Variants in CNTNAP2 observed in about 807,000 individuals in gnomAD.
CNTNAP2 encodes the protein contactin associated protein 2.
Under a neutral mutation model 155.2 loss-of-function variants are expected in CNTNAP2, and 98 were observed. That is an observed-to-expected ratio of 0.63 (90% CI 0.54 to 0.75). The LOEUF is 0.75. CNTNAP2 is among the 30% of genes least tolerant of loss of function. The probability of loss-of-function intolerance (pLI) is 0.00; values close to 1 mark genes in which losing one functional copy is unlikely to be tolerated. For missense variants in CNTNAP2, 1,727 were observed against 1,688.1 expected (o/e 1.02, Z -0.40); for synonymous variants, 651 against 631.2 (o/e 1.03, Z -0.47).
intron 3 of CNTNAP2, among the ~76,000 whole-genome samples, chr7:146,935,295 C>T (rs997010743): frequency 1.3e-5 from 2 of 152,212 alleles, no homozygotes; most frequent in African/African-American, 4.8e-5. Context: ...TCTGTGTGCA[C>T]TTACTGGGTA....
chr7:146,496,648 TCC>T (rs1268698622), intron 1 of CNTNAP2, among the ~76,000 whole-genome samples: 6 of 152,128 alleles, frequency 3.9e-5, no homozygotes, highest in Non-Finnish European at 7.4e-5. Context: ...ACTTACTTCA[TCC>T]CCTAAAAGCC....
intron 20 of CNTNAP2, among the ~76,000 whole-genome samples, chr7:148,241,243 A>T (rs1796154404): frequency 6.6e-6 from 1 of 152,252 alleles, no homozygotes; most frequent in Non-Finnish European, 1.5e-5. Flanking sequence ...AGCATAGTCT[A>T]TGACCCAATA....
Position 146,246,288 on chromosome 7 carries a change from C to A in CNTNAP2, c.97+129315C>A, listed in dbSNP as rs1471826273. On this transcript the variant is annotated intron_variant, in intron 1 of 23. Coordinates refer to ENST00000361727, the MANE Select transcript of CNTNAP2 (RefSeq NM_014141.6). Reference sequence around the variant, plus strand: ...GGAGGCTTTGGATTGGGAAGAAGGGCAGCAATGAGATGTAGCTGTAATCCA... The same window carrying A: ...GGAGGCTTTGGATTGGGAAGAAGGGAAGCAATGAGATGTAGCTGTAATCCA... 4.0e-5 allele frequency among the ~76,000 whole-genome samples: 6 copies of A among 150,394 alleles called. No homozygotes were observed. The South Asian group carries it at 1.3e-3, about 32-fold the overall frequency.
At chr7:147,797,395 C>T (rs1797914297) in intron 13 of CNTNAP2, among the ~76,000 whole-genome samples, 1 of 151,432 alleles carries the variant, frequency 6.6e-6, no homozygotes, top group African/African-American at 2.4e-5. Flanking sequence ...TCTTATTGAC[C>T]ATCAATGAAA....
intron 13 of CNTNAP2, among the ~76,000 whole-genome samples, chr7:147,706,184 T>G (rs1414426704): frequency 6.6e-6 from 1 of 151,484 alleles, no homozygotes; most frequent in Non-Finnish European, 1.5e-5. Context: ...ATTTGAGGTT[T>G]TTTTTTTTTT....
chr7:147,211,402 C>G (rs535323346), intron 8 of CNTNAP2, among the ~76,000 whole-genome samples: 3 of 151,836 alleles, frequency 2.0e-5, no homozygotes, highest in Non-Finnish European at 3.0e-5. Flanking sequence ...TGCCATAGCT[C>G]AACATCAAAC....
At chr7:146,875,881 A>AAC (rs772485537) in intron 3 of CNTNAP2, among the ~76,000 whole-genome samples, 31 of 139,150 alleles carry the variant, frequency 2.2e-4, no homozygotes, top group African/African-American at 4.1e-4. Context: ...CCTTATCTTA[A>AAC]ACACACACAC....
At chr7:148,276,613 G>A (rs918348701) in intron 21 of CNTNAP2, among the ~76,000 whole-genome samples, 3 of 152,192 alleles carry the variant, frequency 2.0e-5, no homozygotes, top group Non-Finnish European at 2.9e-5. Flanking sequence ...GGTGAATGCC[G>A]GGCACTGACA....
At chr7:146,136,357 G>T (rs942670511) in intron 1 of CNTNAP2, among the ~76,000 whole-genome samples, 2 of 152,220 alleles carry the variant, frequency 1.3e-5, no homozygotes, top group South Asian at 4.1e-4. Flanking sequence ...ACAACTAAGG[G>T]TCAGTCTTTT....
At chr7:146,547,845 G>T (rs977990914) in intron 1 of CNTNAP2, among the ~76,000 whole-genome samples, 30 of 147,964 alleles carry the variant, frequency 2.0e-4, no homozygotes, top group Middle Eastern at 3.5e-3. Context: ...CTTTATCATG[G>T]TTTTTTTTTT....
rs539249268 is a variant in CNTNAP2, at chr7:147,896,388, A to G, written c.2099-7177A>G. Among the ~76,000 whole-genome samples the G allele has an allele frequency of 4.9e-4, 75 of 152,298 alleles. 2 individuals carry two copies. In the South Asian group the frequency reaches 0.014, roughly 29 times the overall value. On this transcript the variant is annotated intron_variant, in intron 13 of 23. Transcript: ENST00000361727. ...CTAGACAGAGTCGATTCATCAAGAC[A>G]GGGGAGTTGCAATAGAGAGAGTAAC...
intron 13 of CNTNAP2, among the ~76,000 whole-genome samples, chr7:147,735,202 A>C (rs968770110): frequency 6.6e-6 from 1 of 152,158 alleles, no homozygotes; most frequent in Admixed American, 6.5e-5. Context: ...AATGTGTCCC[A>C]GAGATTCTGA....
chr7:147,242,360 T>C (rs973773587), intron 8 of CNTNAP2, among the ~76,000 whole-genome samples: 1 of 152,232 alleles, frequency 6.6e-6, no homozygotes, highest in East Asian at 1.9e-4. Flanking sequence ...ATATCATTGC[T>C]GTAGTCCATG....
chr7:146,670,794 C>T (rs1585034847), intron 1 of CNTNAP2, among the ~76,000 whole-genome samples: 4 of 152,274 alleles, frequency 2.6e-5, no homozygotes, highest in Admixed American at 2.6e-4. Flanking sequence ...ACCATTCTCA[C>T]TATAGTCATA....
At chr7:146,276,926 A>C (rs540955120) in intron 1 of CNTNAP2, among the ~76,000 whole-genome samples, 2 of 152,292 alleles carry the variant, frequency 1.3e-5, no homozygotes, top group South Asian at 4.1e-4. Flanking sequence ...CCCAAAAGAC[A>C]TCCACCCAGT....
intron 3 of CNTNAP2, among the ~76,000 whole-genome samples, chr7:147,013,389 G>A (rs1036438712): frequency 2.0e-5 from 3 of 152,010 alleles, no homozygotes; most frequent in Admixed American, 6.6e-5. Flanking sequence ...TGTGCTAAGT[G>A]GTTTCTTCAG....
intron 5 of CNTNAP2, among the ~76,000 whole-genome samples, chr7:147,110,445 G>A (rs568915952): frequency 2.6e-5 from 4 of 151,988 alleles, no homozygotes; most frequent in African/African-American, 9.6e-5. Flanking sequence ...GTGCCGTGAC[G>A]GTTGTCTGCA....
intron 13 of CNTNAP2, chr7:147,643,300 C>T (rs892264360): frequency 2.6e-5 from 4 of 152,162 alleles, no homozygotes; most frequent in Non-Finnish European, 5.9e-5. Flanking sequence ...TTAAATCCTT[C>T]TGATATACCA....
chr7:147,962,718 G>A (rs747975221), intron 14 of CNTNAP2, among the ~76,000 whole-genome samples: 17 of 152,254 alleles, frequency 1.1e-4, no homozygotes, highest in Non-Finnish European at 1.8e-4. Context: ...CAAATGCTAC[G>A]TGGTAGGCAC....
Sources: allele counts gnomAD v4.1 joint callset (sites outside exome capture counted in the v4.1 genomes callset), GRCh38; gene constraint gnomAD v4.1.1; transcripts MANE v1.5; gene names NCBI Gene and HGNC (gene_info 2026-07-23, HGNC 2026-07-21).